ARHGAP26: variants seen among roughly 807,000 people sequenced by gnomAD.
The protein encoded by ARHGAP26 is rho GTPase-activating protein 26.
Under a neutral mutation model 104.8 loss-of-function variants are expected in ARHGAP26, and 38 were observed. The observed-to-expected ratio is 0.36, with a 90% confidence interval of 0.28 to 0.48. The LOEUF is 0.48. Among genes scored for constraint, ARHGAP26 ranks in the 20% least tolerant of loss-of-function variants. The pLI is 0.99. For synonymous variants in ARHGAP26, 341 were observed against 340.0 expected, an observed-to-expected ratio of 1.00 and a Z score of -0.03; for missense variants, 704 against 947.9, an observed-to-expected ratio of 0.74 and a Z score of 3.38.
At chr5:143,059,859 A>G (rs1190764747) in intron 17 of ARHGAP26, among the ~76,000 whole-genome samples, 1 of 152,164 alleles carries the variant, frequency 6.6e-6, no homozygotes, top group African/African-American at 2.4e-5. Context: ...GGTTAGAGCT[A>G]GTATTAGACT....
intron 17 of ARHGAP26, among the ~76,000 whole-genome samples, chr5:143,118,191 T>C (rs1157546879): frequency 1.3e-5 from 2 of 152,186 alleles, no homozygotes; most frequent in South Asian, 2.1e-4. Flanking sequence ...AGGAATGATA[T>C]GGACAAAGGC....
chr5:143,193,119 C>T (rs556123421), intron 20 of ARHGAP26, among the ~76,000 whole-genome samples: 1 of 152,234 alleles, frequency 6.6e-6, no homozygotes, highest in South Asian at 2.1e-4. Flanking sequence ...TGATGAAGTC[C>T]TGCTCCCCGG....
At chr5:143,075,833 G>A (rs1253291951) in intron 17 of ARHGAP26, among the ~76,000 whole-genome samples, 1 of 151,548 alleles carries the variant, frequency 6.6e-6, no homozygotes. Flanking sequence ...CAAGTAGCTG[G>A]GACTACAGGA....
chr5:142,916,898 T>G (rs773712084), intron 10 of ARHGAP26, among the ~76,000 whole-genome samples: 1 of 152,062 alleles, frequency 6.6e-6, no homozygotes, highest in Non-Finnish European at 1.5e-5. Flanking sequence ...CCCAGGGGGG[T>G]AGGTCCTCCA....
chr5:143,027,519 T>C (rs781324632), intron 12 of ARHGAP26, among the ~76,000 whole-genome samples: 9 of 147,434 alleles, frequency 6.1e-5, no homozygotes, highest in South Asian at 2.3e-4. Context: ...ACTTTTATTA[T>C]TAATTTGCTT....
intron 6 of ARHGAP26, among the ~76,000 whole-genome samples, chr5:142,899,266 T>C (rs907524855): frequency 6.6e-6 from 1 of 152,204 alleles, no homozygotes; most frequent in Non-Finnish European, 1.5e-5. Context: ...ATATCTTTTT[T>C]TGGGGGACAC....
Position 142,845,992 on chromosome 5 carries a change from G to A in ARHGAP26, c.155-27408G>A, listed in dbSNP as rs574931035. 5.3e-5 allele frequency among the ~76,000 whole-genome samples: 8 copies of A among 152,148 alleles called. No individual in the cohort carries two copies. In the East Asian group the frequency reaches 7.7e-4, roughly 15 times the overall value. On this transcript the variant is annotated intron_variant, in intron 1 of 22. Coordinates refer to ENST00000645722, the MANE Select transcript of ARHGAP26 (RefSeq NM_001135608.3). The stretch of plus-strand genomic sequence containing the variant: ...TTTTTTCCCCTGTGAGACCAATCAC[G>A]TTTTGATTTTTTTGTTGTTATGGTC...
intron 1 of ARHGAP26, among the ~76,000 whole-genome samples, chr5:142,779,782 C>G (rs1757128093): frequency 6.6e-6 from 1 of 152,200 alleles, no homozygotes. Context: ...AGGAGACTGT[C>G]AAACAGATAG....
At chr5:143,185,007 C>A (rs1385076845) in intron 20 of ARHGAP26, among the ~76,000 whole-genome samples, 1 of 151,960 alleles carries the variant, frequency 6.6e-6, no homozygotes, top group Non-Finnish European at 1.5e-5. Flanking sequence ...GGATTTTTAC[C>A]CCTGTATTAT....
intron 18 of ARHGAP26, among the ~76,000 whole-genome samples, chr5:143,132,873 A>C (rs1287614410): frequency 6.6e-6 from 1 of 152,104 alleles, no homozygotes; most frequent in African/African-American, 2.4e-5. Flanking sequence ...AAAAAAAAAA[A>C]AAAAACTGTT....
At chr5:143,133,535 A>G (rs1458747080) in intron 18 of ARHGAP26, among the ~76,000 whole-genome samples, 1 of 152,208 alleles carries the variant, frequency 6.6e-6, no homozygotes, top group African/African-American at 2.4e-5. Context: ...ACAGTTTAAG[A>G]AAGTTGTGAA....
chr5:143,126,188 C>G (rs1796706298), intron 18 of ARHGAP26, among the ~76,000 whole-genome samples: 1 of 152,108 alleles, frequency 6.6e-6, no homozygotes, highest in African/African-American at 2.4e-5. Context: ...TCTGACAGAT[C>G]AATGGAAGTT....
intron 17 of ARHGAP26, among the ~76,000 whole-genome samples, chr5:143,059,478 C>T (rs1786368303): frequency 6.6e-6 from 1 of 152,164 alleles, no homozygotes; most frequent in African/African-American, 2.4e-5. Flanking sequence ...AAAAACAAAA[C>T]CAAACCCTTA....
chr5:142,923,751 CTAT>C (rs994157487), intron 10 of ARHGAP26, among the ~76,000 whole-genome samples: 3 of 151,310 alleles, frequency 2.0e-5, no homozygotes, highest in Non-Finnish European at 4.4e-5. Flanking sequence ...ACTTTTTAGA[CTAT>C]TATTATTGCT....
chr5:142,999,158 A>G (rs1003914809), intron 11 of ARHGAP26, among the ~76,000 whole-genome samples: 3 of 152,142 alleles, frequency 2.0e-5, no homozygotes, highest in Non-Finnish European at 4.4e-5. Context: ...AGAGACGAAG[A>G]GGTTTGATCC....
chr5:143,196,989 A>G (rs911997359), intron 20 of ARHGAP26, among the ~76,000 whole-genome samples: 24 of 152,308 alleles, frequency 1.6e-4, no homozygotes, highest in Admixed American at 1.4e-3. Context: ...CCTAAATGCA[A>G]CATTTTATTG....
At chr5:142,969,626 G>A (rs1233995689) in intron 11 of ARHGAP26, among the ~76,000 whole-genome samples, 2 of 152,228 alleles carry the variant, frequency 1.3e-5, no homozygotes, top group East Asian at 1.9e-4. Context: ...CAGGGGAAGA[G>A]CAATGAAATA....
rs1218263577 is a variant in ARHGAP26 at position 143,224,207 on chromosome 5, C to G, written c.*1761C>G. On this transcript the variant is annotated 3_prime_UTR_variant, in exon 23 of 23. Transcript: ENST00000645722. ...ATTCTTTAAGTTAGTTGCTCACACA[C>G]TTAGGCTTTGATTGCTGAAGAAGTA... 1.7e-5 allele frequency: 4 copies of G among 230,804 alleles called. No individual in the cohort carries two copies. In the East Asian group the frequency reaches 2.5e-4, roughly 14 times the overall value. 14.3% of individuals were successfully genotyped at this position (230,804 alleles called of 1,614,324 possible). A position where few individuals can be genotyped will look rare whatever the true frequency, so the allele number is the denominator to read the frequency against.
chr5:142,775,139 A>G (rs927239337), intron 1 of ARHGAP26, among the ~76,000 whole-genome samples: 9 of 152,034 alleles, frequency 5.9e-5, no homozygotes, highest in African/African-American at 2.2e-4. Context: ...ATATATATAT[A>G]AAATAAAATA....
Sources: gnomAD v4.1 joint callset for allele counts (sites outside exome capture counted in the v4.1 genomes callset) on GRCh38, gnomAD v4.1.1 for gene constraint, MANE v1.5 for transcripts, NCBI Gene and HGNC (gene_info 2026-07-23, HGNC 2026-07-21) for gene names.